The following KTN1 variants were observed in gnomAD, a reference collection of about 807,000 sequenced individuals.
The protein encoded by KTN1 is kinectin.
A neutral mutation model predicts 222.5 loss-of-function variants in KTN1; 130 were observed. That is an observed-to-expected ratio of 0.58 (90% CI 0.51 to 0.68). KTN1 has a LOEUF of 0.68. Ranked by LOEUF, KTN1 falls within the 30% of genes least tolerant of loss-of-function variation. The probability of loss-of-function intolerance (pLI) is 0.00; values close to 1 mark genes in which losing one functional copy is unlikely to be tolerated. For missense variants in KTN1, 1,508 were observed against 1,500.4 expected, an observed-to-expected ratio of 1.01 and a Z score of -0.08; for synonymous variants, 512 against 496.3, an observed-to-expected ratio of 1.03 and a Z score of -0.42.
intron 7 of KTN1, among the ~76,000 whole-genome samples, chr14:55,631,524 G>A (rs762986967): frequency 1.3e-4 from 20 of 151,948 alleles, no homozygotes; most frequent in Non-Finnish European, 2.2e-4. Context: ...GCTAGGTGCC[G>A]TGGCTCATGT....
intron 18 of KTN1, among the ~76,000 whole-genome samples, chr14:55,646,614 C>T (rs1431480360): frequency 6.9e-6 from 1 of 144,722 alleles, no homozygotes; most frequent in Non-Finnish European, 1.5e-5. Flanking sequence ...TTTTTTTGGA[C>T]TTGCGAGGTC....
At position 55,656,049 on chromosome 14, in the gene KTN1, G is replaced by A. The variant is rs1043342813; in HGVS notation, c.2809G>A (p.Glu937Lys). 1.3e-6 allele frequency: 2 copies of A among 1,597,428 alleles called. No individual in the cohort carries two copies. Among genetic ancestry groups the A allele is most frequent in the African/African-American group, 2.7e-5 (2 of 74,304 alleles). The stretch of plus-strand genomic sequence containing the variant: ...CTTTGTAAAAAATTCTAGGTTGAAA[G>A]AAAAGGAAAATGAATTGAAGAGGTT... ...QFEELEIVLK[E>K]KENELKRLEA... Residue 937 changes from glutamate (E) to lysine (K), a missense_variant, in exon 29 of 44, where the codon GAA becomes AAA. Physicochemically the swap from Glu to Lys is moderately conservative, Grantham distance 56. Transcript: ENST00000395314.
At chr14:55,590,809 G>A (rs1273972369) in intron 1 of KTN1, among the ~76,000 whole-genome samples, 1 of 151,940 alleles carries the variant, frequency 6.6e-6, no homozygotes, top group East Asian at 1.9e-4. Flanking sequence ...TTGAGTAGCT[G>A]GGATTACAGG....
Position 55,684,318 on chromosome 14 carries a change from T to C in KTN1, c.*215T>C. ...CAGAGTTTAGTTTTATAATAAAAACTGTTTGAATAATTAGACCTTTACATT... is the reference window on the plus strand; with the variant it reads ...CAGAGTTTAGTTTTATAATAAAAACCGTTTGAATAATTAGACCTTTACATT... On this transcript the variant is annotated 3_prime_UTR_variant, in exon 44 of 44. Transcript: ENST00000395314. 1 of 420,376 alleles carries C rather than the reference T, an allele frequency of 2.4e-6. No homozygotes were observed. Among genetic ancestry groups the C allele is most frequent in the Admixed American group, 4.4e-5 (1 of 22,946 alleles). 26.0% of individuals were successfully genotyped at this position (420,376 alleles called of 1,614,324 possible). A position where few individuals can be genotyped will look rare whatever the true frequency, so the allele number is the denominator to read the frequency against.
At position 55,672,621 on chromosome 14, in the gene KTN1, A is replaced by G. The variant is rs761325199; in HGVS notation, c.3532-9A>G. 3 of 1,586,176 alleles carry G rather than the reference A, an allele frequency of 1.9e-6. No homozygotes were observed. Among genetic ancestry groups the G allele is most frequent in the Non-Finnish European group, 1.7e-6 (2 of 1,155,704 alleles). On this transcript the variant is annotated splice_polypyrimidine_tract_variant and intron_variant, in intron 37 of 43. Transcript: ENST00000395314. Reference sequence around the variant, plus strand: ...TTTTACTTGGCCATGTAATTGTTTCACATTTCAGATGCAGTCATCATTTAC... The same window carrying G: ...TTTTACTTGGCCATGTAATTGTTTCGCATTTCAGATGCAGTCATCATTTAC...
At chr14:55,667,884 T>TCCTAAAATAGAG (rs1439120136) in intron 34 of KTN1, 2 of 151,058 alleles carry the variant, frequency 1.3e-5, no homozygotes, top group Non-Finnish European at 3.0e-5. Flanking sequence ...CATGTGAGTT[T>TCCTAAAATAGAG]CCTAAAATAG....
chr14:55,603,807 C>T (rs564611980), intron 1 of KTN1, among the ~76,000 whole-genome samples: 6 of 152,350 alleles, frequency 3.9e-5, no homozygotes, highest in African/African-American at 1.4e-4. Flanking sequence ...AACCATGTCC[C>T]TGCCACTTTT....
At chr14:55,595,475 A>G (rs1041508318) in intron 1 of KTN1, among the ~76,000 whole-genome samples, 4 of 152,168 alleles carry the variant, frequency 2.6e-5, no homozygotes, top group African/African-American at 9.7e-5. Flanking sequence ...GTAACACAGG[A>G]TAATACAAAT....
chr14:55,661,312 A>G (rs189197032), intron 31 of KTN1: 3 of 441,882 alleles, frequency 6.8e-6, no homozygotes, highest in East Asian at 3.6e-5. Context: ...AGCATACCAT[A>G]TTAGGCATAA....
chr14:55,621,873 G>C (rs1381786984), intron 5 of KTN1, among the ~76,000 whole-genome samples: 1 of 135,300 alleles, frequency 7.4e-6, no homozygotes, highest in Admixed American at 7.9e-5. Flanking sequence ...TTTTGAGACA[G>C]AGTCTTGCTC....
intron 18 of KTN1, among the ~76,000 whole-genome samples, chr14:55,643,599 C>T (rs1401614081): frequency 6.6e-6 from 1 of 152,080 alleles, no homozygotes; most frequent in Non-Finnish European, 1.5e-5. Flanking sequence ...CTGAAACTGT[C>T]CTAGAATTCT....
At chr14:55,611,263 C>CTTTTTTTTTTTTTTTT (rs897315974) in intron 1 of KTN1, among the ~76,000 whole-genome samples, 1 of 116,060 alleles carries the variant, frequency 8.6e-6, no homozygotes, top group African/African-American at 3.5e-5. Flanking sequence ...ATTTTCTTGT[C>CTTTTTTTTTTTTTTTT]TTTTTTTTTT....
Position 55,653,601 on chromosome 14 carries a change from GTA to G in KTN1, c.2801+7_2801+8del, listed in dbSNP as rs747592858. The G allele has an allele frequency of 1.2e-6, 2 of 1,605,478 alleles. No individual in the cohort carries two copies. The highest frequency in any genetic ancestry group is 2.7e-5 in the African/African-American group (2 of 74,686). ...GTTTGAAGAACTTGAGATTGTGTAA[GTA>G]TGCTTTAAGACCACATTTTGAAGAG... On this transcript the variant is annotated splice_donor_region_variant and intron_variant, in intron 28 of 43. Transcript: ENST00000395314.
At chr14:55,646,551 T>TTTCCTTTC (rs2042377232) in intron 18 of KTN1, among the ~76,000 whole-genome samples, 1 of 146,942 alleles carries the variant, frequency 6.8e-6, no homozygotes. Flanking sequence ...TTTCCTTCTC[T>TTTCCTTTC]CTTTCTCTCT....
intron 24 of KTN1, chr14:55,651,300 G>T (rs1418817704): frequency 2.4e-5 from 11 of 455,990 alleles, no homozygotes; most frequent in Non-Finnish European, 4.9e-5. Context: ...GAGAGTTCAG[G>T]AAAGTCTTCT....
intron 6 of KTN1, among the ~76,000 whole-genome samples, chr14:55,629,569 G>A (rs2040278746): frequency 6.6e-6 from 1 of 151,756 alleles, no homozygotes; most frequent in African/African-American, 2.4e-5. Flanking sequence ...TTCCTTCTAG[G>A]CCTTTTTTCC....
At chr14:55,630,175 A>G (rs1210835688) in intron 7 of KTN1, 78 bp downstream of exon 7, 6 of 1,271,934 alleles carry the variant, frequency 4.7e-6, no homozygotes, top group Non-Finnish European at 6.8e-6. Flanking sequence ...GCTAGTATGT[A>G]CAAGGCCCTT....
chr14:55,601,498 T>C (rs1348067808), intron 1 of KTN1, among the ~76,000 whole-genome samples: 3 of 152,200 alleles, frequency 2.0e-5, no homozygotes, highest in Non-Finnish European at 4.4e-5. Context: ...CATTATACTT[T>C]TGGTGTAGTG....
At chr14:55,649,868 T>A (rs913629431) in intron 22 of KTN1, 55 bp downstream of exon 22, 182 of 913,478 alleles carry the variant, frequency 2.0e-4, no homozygotes, top group Non-Finnish European at 3.0e-4. Context: ...ATTTTTTTTT[T>A]GTGTGTGCTT....
Sources: gnomAD v4.1 joint callset for allele counts (sites outside exome capture counted in the v4.1 genomes callset) on GRCh38, gnomAD v4.1.1 for gene constraint, MANE v1.5 for transcripts, NCBI Gene and HGNC (gene_info 2026-07-23, HGNC 2026-07-21) for gene names.